The following DGKG variants were observed in gnomAD, a reference collection of about 807,000 sequenced individuals.
DGKG encodes DAG kinase gamma.
In DGKG, 78 loss-of-function variants were observed where a neutral mutation model predicts 105.3. That is an observed-to-expected ratio of 0.74 (90% CI 0.62 to 0.89). DGKG has a LOEUF of 0.89. DGKG is among the 40% of genes least tolerant of loss of function. The probability of loss-of-function intolerance (pLI) is 0.00; values close to 1 mark genes in which losing one functional copy is unlikely to be tolerated. For synonymous variants in DGKG, 346 were observed against 367.1 expected, an observed-to-expected ratio of 0.94 and a Z score of 0.66; for missense variants, 958 against 1,020.1, an observed-to-expected ratio of 0.94 and a Z score of 0.83.
At chr3:186,217,285 T>TTA (rs1175796660) in intron 20 of DGKG, among the ~76,000 whole-genome samples, 2 of 152,212 alleles carry the variant, frequency 1.3e-5, no homozygotes, top group Non-Finnish European at 2.9e-5. Flanking sequence ...TTTTCCCCTC[T>TTA]TACAATCACC....
chr3:186,299,824 TC>T (rs1723811216), intron 3 of DGKG, among the ~76,000 whole-genome samples: 1 of 109,632 alleles, frequency 9.1e-6, no homozygotes, highest in African/African-American at 3.3e-5. Flanking sequence ...TTTCTTTCTT[TC>T]TTTCTTTCTT....
At chr3:186,158,141 A>T (rs1716124680) in intron 24 of DGKG, 1 of 671,648 alleles carries the variant, frequency 1.5e-6, no homozygotes, top group African/African-American at 2.0e-5. Flanking sequence ...TATTTTAAGA[A>T]CTAGTTCTAG....
chr3:186,193,148 G>A (rs946963056), intron 21 of DGKG, among the ~76,000 whole-genome samples: 4 of 152,172 alleles, frequency 2.6e-5, no homozygotes, highest in African/African-American at 9.7e-5. Flanking sequence ...GCTGGACGCT[G>A]ATGTCCTCCC....
chr3:186,196,137 CTTTTTTTTTTT>C (rs71164579), intron 21 of DGKG, among the ~76,000 whole-genome samples: 2 of 131,096 alleles, frequency 1.5e-5, no homozygotes, highest in African/African-American at 5.6e-5. Context: ...CTTTTTCTTT[CTTTTTTTTTTT>C]TTTTTTTAAG....
intron 20 of DGKG, among the ~76,000 whole-genome samples, chr3:186,223,041 T>TATA (rs1719673534): frequency 8.4e-5 from 5 of 59,294 alleles, no homozygotes; most frequent in Admixed American, 2.1e-4. Flanking sequence ...ATATGTCTCA[T>TATA]GATATACACT....
rs59939359 is a variant in DGKG, at chr3:186,358,719, G to T, written c.-249+3227C>A. Reference sequence around the variant, plus strand: ...ATAAAGTGACATCAGCTCTCACTATGGTTGGGTGTGGAATTCTGATACTTG... The same window carrying T: ...ATAAAGTGACATCAGCTCTCACTATTGTTGGGTGTGGAATTCTGATACTTG... On this transcript the variant is annotated intron_variant, in intron 1 of 24. Transcript: ENST00000265022. Among the ~76,000 whole-genome samples the T allele has an allele frequency of 4.6e-3, 705 of 151,750 alleles. 30 individuals are homozygous for T. The East Asian group carries it at 0.1, about 22-fold the overall frequency.
At chr3:186,299,840 T>TCTTTCTTTCTTTCTCTTTCTTTCTTTC (rs1553815789) in intron 3 of DGKG, among the ~76,000 whole-genome samples, 2 of 80,726 alleles carry the variant, frequency 2.5e-5, no homozygotes, top group Admixed American at 2.6e-4. Flanking sequence ...TTTCTTTCTT[T>TCTTTCTTTCTTTCTCTTTCTTTCTTTC]TTTTTTTTTT....
chr3:186,229,810 C>T (rs1336306537), intron 20 of DGKG, among the ~76,000 whole-genome samples: 1 of 152,198 alleles, frequency 6.6e-6, no homozygotes, highest in Non-Finnish European at 1.5e-5. Context: ...CATCACCCTT[C>T]TGGATTTAGT....
rs182489953 is a variant in DGKG at position 186,261,025 on chromosome 3, C to A, written c.1350-512G>T. Among the ~76,000 whole-genome samples the A allele has an allele frequency of 7.4e-3, 1,128 of 152,260 alleles. 6 individuals carry two copies. The highest frequency in any genetic ancestry group is 8.9e-3 in the Non-Finnish European group (607 of 68,006). ...GGGCGCTGAGAGGCCGTGACTGCACCCAGGCCTGCTTTCCTGGCTCCAGCT... is the reference window on the plus strand; with the variant it reads ...GGGCGCTGAGAGGCCGTGACTGCACACAGGCCTGCTTTCCTGGCTCCAGCT... On this transcript the variant is annotated intron_variant, in intron 15 of 24. Transcript: ENST00000265022.
chr3:186,262,711 C>T (rs1721833542), intron 14 of DGKG, among the ~76,000 whole-genome samples: 1 of 152,256 alleles, frequency 6.6e-6, no homozygotes, highest in South Asian at 2.1e-4. Flanking sequence ...CAGCCAAGTC[C>T]TGCTCTTGCT....
chr3:186,338,762 G>A (rs1348268558), intron 1 of DGKG, among the ~76,000 whole-genome samples: 1 of 151,806 alleles, frequency 6.6e-6, no homozygotes, highest in Non-Finnish European at 1.5e-5. Context: ...ATTTTTTTCT[G>A]GCACAACTCA....
At chr3:186,157,686 T>G (rs1716101954) in intron 24 of DGKG, among the ~76,000 whole-genome samples, 1 of 152,198 alleles carries the variant, frequency 6.6e-6, no homozygotes, top group Non-Finnish European at 1.5e-5. Context: ...AGAATCAAGA[T>G]GATTGTATAT....
chr3:186,322,410 T>C (rs1283038933), intron 1 of DGKG, among the ~76,000 whole-genome samples: 1 of 151,946 alleles, frequency 6.6e-6, no homozygotes, highest in Non-Finnish European at 1.5e-5. Flanking sequence ...GAACAATAGG[T>C]ACTGGGGCCT....
At chr3:186,259,677 A>T (rs1721659738) in intron 16 of DGKG, among the ~76,000 whole-genome samples, 1 of 151,930 alleles carries the variant, frequency 6.6e-6, no homozygotes, top group South Asian at 2.1e-4. Context: ...AGCCCAGAGT[A>T]TGCAGACAGC....
chr3:186,267,519 A>G, intron 13 of DGKG, 166 bp downstream of exon 13: 1 of 594,676 alleles, frequency 1.7e-6, no homozygotes, highest in Non-Finnish European at 3.0e-6. Context: ...AAACCCTCCC[A>G]TGTACTCTCT....
intron 24 of DGKG, chr3:186,160,629 CAAA>C: frequency 1.0e-6 from 1 of 985,354 alleles, no homozygotes; most frequent in Non-Finnish European, 1.2e-6. Context: ...CTGGAGGGCT[CAAA>C]ATAGCAGGTG....
intron 1 of DGKG, among the ~76,000 whole-genome samples, chr3:186,335,356 C>T (rs1364892147): frequency 1.3e-5 from 2 of 152,172 alleles, no homozygotes; most frequent in Non-Finnish European, 1.5e-5. Flanking sequence ...ACTCTCTATG[C>T]TTCAAGTTTC....
intron 2 of DGKG, among the ~76,000 whole-genome samples, chr3:186,318,201 G>A (rs1178052907): frequency 1.3e-5 from 2 of 152,058 alleles, no homozygotes; most frequent in Non-Finnish European, 2.9e-5. Flanking sequence ...CCCACACTTT[G>A]ACACACAAGG....
intron 22 of DGKG, among the ~76,000 whole-genome samples, chr3:186,180,001 G>T (rs1169412707): frequency 6.6e-6 from 1 of 152,198 alleles, no homozygotes; most frequent in Non-Finnish European, 1.5e-5. Flanking sequence ...AAGCCCTTTT[G>T]AGGCCTCTGA....
Sources: allele counts gnomAD v4.1 joint callset (sites outside exome capture counted in the v4.1 genomes callset), GRCh38; gene constraint gnomAD v4.1.1; transcripts MANE v1.5; gene names NCBI Gene and HGNC (gene_info 2026-07-23, HGNC 2026-07-21).